ARHGAP17: variants seen among roughly 807,000 people sequenced by gnomAD.
ARHGAP17 encodes the protein rho GTPase-activating protein 17.
A neutral mutation model predicts 99.5 loss-of-function variants in ARHGAP17; 57 were observed. The ratio of observed to expected loss-of-function variants is 0.57; its 90% CI spans 0.46 to 0.71. The LOEUF (loss-of-function observed/expected upper bound fraction) is 0.71. Ranked by LOEUF, ARHGAP17 falls within the 30% of genes least tolerant of loss-of-function variation. The pLI, the probability that ARHGAP17 is intolerant of heterozygous loss-of-function variation, is 0.00. For missense variants in ARHGAP17, 1,000 were observed against 1,122.4 expected (o/e 0.89, Z 1.56); for synonymous variants, 417 against 429.6 (o/e 0.97, Z 0.36).
At chr16:24,921,316 GAA>G (rs1459641872) in intron 19 of ARHGAP17, among the ~76,000 whole-genome samples, 2 of 152,208 alleles carry the variant, frequency 1.3e-5, no homozygotes, top group African/African-American at 4.8e-5. Flanking sequence ...GTGTAAGAGA[GAA>G]GAGAGATGTT....
At chr16:25,011,786 C>G (rs1411081126) in intron 1 of ARHGAP17, among the ~76,000 whole-genome samples, 1 of 151,934 alleles carries the variant, frequency 6.6e-6, no homozygotes, top group Non-Finnish European at 1.5e-5. Context: ...CACTTATGAG[C>G]CAATCAATTC....
intron 18 of ARHGAP17, 99 bp downstream of exon 18, chr16:24,935,371 A>G: frequency 2.2e-6 from 3 of 1,348,694 alleles, no homozygotes; most frequent in Non-Finnish European, 3.0e-6. Flanking sequence ...ACAGACATAG[A>G]AAAGATCTGG....
At chr16:24,971,734 C>T (rs912119970) in intron 3 of ARHGAP17, among the ~76,000 whole-genome samples, 1 of 152,138 alleles carries the variant, frequency 6.6e-6, no homozygotes, top group African/African-American at 2.4e-5. Context: ...AATACAAAGC[C>T]ACTCATTTTC....
At chr16:24,960,557 G>A (rs1396232166) in intron 7 of ARHGAP17, among the ~76,000 whole-genome samples, 1 of 151,252 alleles carries the variant, frequency 6.6e-6, no homozygotes, top group Admixed American at 6.6e-5. Context: ...AAAAAAGGCT[G>A]GGTGTGGTGG....
intron 1 of ARHGAP17, among the ~76,000 whole-genome samples, chr16:25,008,655 G>A (rs140925914): frequency 9.9e-5 from 15 of 152,282 alleles, no homozygotes; most frequent in Non-Finnish European, 1.8e-4. Context: ...TGACTGCAGC[G>A]CCCTAGGCCA....
chr16:25,007,049 T>C (rs1468902774), intron 1 of ARHGAP17, among the ~76,000 whole-genome samples: 1 of 152,206 alleles, frequency 6.6e-6, no homozygotes, highest in Non-Finnish European at 1.5e-5. Context: ...ACTATGGCCC[T>C]GGAAAGGAAT....
intron 1 of ARHGAP17, among the ~76,000 whole-genome samples, chr16:24,980,007 G>A (rs984236964): frequency 6.6e-6 from 1 of 152,150 alleles, no homozygotes; most frequent in African/African-American, 2.4e-5. Context: ...CACCGCGCCT[G>A]GCGTGAAGGA....
chr16:24,931,130 C>T lies in ARHGAP17; in HGVS notation c.2169G>A (p.Thr723=), dbSNP rs748099828. The stretch of plus-strand genomic sequence containing the variant: ...TATTGGGTTTGGTGTGCATCAGTGG[C>T]GTGGCCTGCGTAGGGGGCTGCGGCG... The part of the protein sequence containing the change: ...HPPPQPPTQA[T]PLMHTKPNSQ... The change falls in exon 19 of 20, where the codon ACG becomes ACA. Residue 723 remains threonine (T), a synonymous_variant. Transcript: ENST00000289968. The T allele has an allele frequency of 1.1e-5, 18 of 1,605,316 alleles. No homozygotes were observed. The highest frequency in any genetic ancestry group is 1.7e-4 in the Middle Eastern group (1 of 6,018).
chr16:24,963,756 G>T (rs2052086046), intron 7 of ARHGAP17, among the ~76,000 whole-genome samples: 1 of 152,090 alleles, frequency 6.6e-6, no homozygotes, highest in African/African-American at 2.4e-5. Flanking sequence ...CTTCTCCAAG[G>T]ACATATGAGC....
rs2051691798 is a variant in ARHGAP17, at chr16:24,953,046, A to C, written c.853-4T>G. 1 of 1,613,800 alleles carries C rather than the reference A, an allele frequency of 6.2e-7. No individual in the cohort carries two copies. Among genetic ancestry groups the C allele is most frequent in the South Asian group, 1.1e-5 (1 of 91,078 alleles). ...CAGCCCCAATTCGGAAAAGGCCCTAAAGATAATGAAAAGCCATCAGCATCA... is the reference window on the plus strand; with the variant it reads ...CAGCCCCAATTCGGAAAAGGCCCTACAGATAATGAAAAGCCATCAGCATCA... On this transcript the variant is annotated splice_polypyrimidine_tract_variant and splice_region_variant and intron_variant, in intron 10 of 19. Coordinates refer to ENST00000289968, the MANE Select transcript of ARHGAP17 (RefSeq NM_001006634.3).
intron 1 of ARHGAP17, among the ~76,000 whole-genome samples, chr16:25,011,479 C>A (rs900057576): frequency 6.6e-6 from 1 of 152,132 alleles, no homozygotes; most frequent in African/African-American, 2.4e-5. Context: ...CCAAGGTGGG[C>A]AGATCATCTG....
chr16:24,997,263 G>A lies in ARHGAP17; in HGVS notation c.53+17946C>T, dbSNP rs561995160. Reference sequence around the variant, plus strand: ...ATTATCACCTGGACTGGTGCAAGGCGCCCAGTACACACCCAGACTCATATT... The same window carrying A: ...ATTATCACCTGGACTGGTGCAAGGCACCCAGTACACACCCAGACTCATATT... On this transcript the variant is annotated intron_variant, in intron 1 of 19. Transcript: ENST00000289968. Among the ~76,000 whole-genome samples the A allele has an allele frequency of 9.4e-5, 14 of 149,638 alleles. No individual in the cohort carries two copies. In the South Asian group the frequency reaches 1.7e-3, roughly 18 times the overall value.
intron 19 of ARHGAP17, chr16:24,927,854 CAATT>C: frequency 6.6e-6 from 2 of 303,192 alleles, no homozygotes; most frequent in Non-Finnish European, 6.2e-6. Flanking sequence ...TCTAGAGTCA[CAATT>C]AACAGGAGAC....
intron 16 of ARHGAP17, among the ~76,000 whole-genome samples, chr16:24,940,803 C>T (rs1017654002): frequency 2.6e-5 from 4 of 152,114 alleles, no homozygotes; most frequent in South Asian, 2.1e-4. Flanking sequence ...TCACTTAAGG[C>T]GACTGATCTA....
chr16:25,007,545 G>A (rs958053445), intron 1 of ARHGAP17, among the ~76,000 whole-genome samples: 2 of 152,076 alleles, frequency 1.3e-5, no homozygotes, highest in African/African-American at 4.8e-5. Flanking sequence ...CTTTTTGCGT[G>A]TGTAGAGACA....
At chr16:24,964,459 T>C (rs2052111851) in intron 6 of ARHGAP17, 151 bp from the exon 7 acceptor site, 2 of 623,036 alleles carry the variant, frequency 3.2e-6, no homozygotes, top group African/African-American at 3.7e-5. Context: ...CTTGAGCTTA[T>C]TCTCTAAGAA....
At chr16:25,007,204 T>C (rs1181827286) in intron 1 of ARHGAP17, among the ~76,000 whole-genome samples, 1 of 152,140 alleles carries the variant, frequency 6.6e-6, no homozygotes, top group Non-Finnish European at 1.5e-5. Flanking sequence ...GGCTAGAAAA[T>C]AAGGCAATGC....
rs1001922077 is a variant in ARHGAP17 at position 24,934,542 on chromosome 16, C to T, written c.1894+928G>A. Among the ~76,000 whole-genome samples the T allele has an allele frequency of 9.2e-5, 14 of 152,180 alleles. No homozygotes were observed. The South Asian group carries it at 2.5e-3, about 27-fold the overall frequency. On this transcript the variant is annotated intron_variant, in intron 18 of 19. Coordinates refer to ENST00000289968, the MANE Select transcript of ARHGAP17 (RefSeq NM_001006634.3). ...AATCATAGCTCACTGCAGGCTCGAC[C>T]TCCTGGGCTCAAGTGATCCTCCTGC...
intron 1 of ARHGAP17, among the ~76,000 whole-genome samples, chr16:24,986,902 C>T (rs1247933392): frequency 6.6e-6 from 1 of 152,188 alleles, no homozygotes; most frequent in Non-Finnish European, 1.5e-5. Context: ...AGTCCAAATG[C>T]GGAGGCACAG....
Sources: allele counts gnomAD v4.1 joint callset (sites outside exome capture counted in the v4.1 genomes callset), GRCh38; gene constraint gnomAD v4.1.1; transcripts MANE v1.5; gene names NCBI Gene and HGNC (gene_info 2026-07-23, HGNC 2026-07-21).